RAVER1: variants seen among roughly 807,000 people sequenced by gnomAD.
RAVER1 encodes the protein ribonucleoprotein, PTB binding 1.
Under a neutral mutation model 68.4 loss-of-function variants are expected in RAVER1, and 36 were observed. That is an observed-to-expected ratio of 0.53 (90% confidence interval 0.40 to 0.70). The LOEUF (loss-of-function observed/expected upper bound fraction) is 0.70. Ranked by LOEUF, RAVER1 falls within the 30% of genes least tolerant of loss-of-function variation. RAVER1 has a pLI of 0.00. For synonymous variants in RAVER1, 469 were observed against 472.7 expected (o/e 0.99, Z 0.10); for missense variants, 933 against 1,019.8 (o/e 0.91, Z 1.16).
chr19:10,325,176 A>G (rs867589660), intron 3 of RAVER1, among the ~76,000 whole-genome samples: 3 of 151,788 alleles, frequency 2.0e-5, no homozygotes, highest in Non-Finnish European at 4.4e-5. Context: ...ACCTACCACC[A>G]CGCCTGGCTA....
chr19:10,326,695 T>C (rs908663743), intron 3 of RAVER1, among the ~76,000 whole-genome samples: 3 of 151,540 alleles, frequency 2.0e-5, no homozygotes, highest in Non-Finnish European at 4.4e-5. Context: ...CCTCAGGTGA[T>C]CCGTCCGTCT....
At chr19:10,320,503 C>CT (rs2040427792) in intron 9 of RAVER1, among the ~76,000 whole-genome samples, 152 bp downstream of exon 9, 1 of 121,816 alleles carries the variant, frequency 8.2e-6, no homozygotes. Flanking sequence ...GACCCTGTCT[C>CT]TAAAAAAAAA....
At position 10,323,175 on chromosome 19, in the gene RAVER1, G is replaced by A; in HGVS notation, c.1048C>T (p.Leu350=). ...TTCCCCCCCGCACTGCCATGGAGCAGGGGGTTGAGCAGCAGCTGGAGGGAC... is the reference window on the plus strand; with the variant it reads ...TTCCCCCCCGCACTGCCATGGAGCAAGGGGTTGAGCAGCAGCTGGAGGGAC... ...SASLQLLLNP[L]LHGSAGGKQG... Residue 350 remains leucine (L), a synonymous_variant, in exon 5 of 13, where the codon CTG becomes TTG. Coordinates refer to ENST00000617231, the MANE Select transcript of RAVER1 (RefSeq NM_133452.3). This position sits in a 1 kb window ranked among gnomAD's most constrained non-coding sequence, Gnocchi z 6.2. 1 of 1,611,054 alleles carries A rather than the reference G, an allele frequency of 6.2e-7. No homozygotes were observed. The highest frequency in any genetic ancestry group is 1.3e-5 in the African/African-American group (1 of 74,994).
chr19:10,326,031 G>A (rs1383772913), intron 3 of RAVER1, among the ~76,000 whole-genome samples: 1 of 152,142 alleles, frequency 6.6e-6, no homozygotes, highest in Non-Finnish European at 1.5e-5. Context: ...CGAGGCAGGT[G>A]TATCACCTGA....
chr19:10,323,393 G>A lies in RAVER1; in HGVS notation c.930C>T (p.Leu310=), dbSNP rs1185175955. The A allele has an allele frequency of 1.9e-6, 3 of 1,605,356 alleles. No individual in the cohort carries two copies. Among genetic ancestry groups the A allele is most frequent in the Non-Finnish European group, 2.6e-6 (3 of 1,176,146 alleles). ...GPPGRSMLAA[L]IAAQATALNR... ...GGCTCACCGTGGCCTGGGCAGCGAT[G>A]AGAGCGGCCAGCATACTGCGGCCGG... is the stretch of plus-strand genomic sequence containing the variant. Residue 310 remains leucine, a synonymous_variant, in exon 4 of 13, where the codon CTC becomes CTT. Transcript: ENST00000617231. The surrounding 1 kb of genome is among the most constrained non-coding windows in gnomAD (Gnocchi z 6.2).
At chr19:10,327,358 G>C (rs1401541127) in intron 3 of RAVER1, among the ~76,000 whole-genome samples, 5 of 151,932 alleles carry the variant, frequency 3.3e-5, no homozygotes, top group African/African-American at 1.2e-4. Flanking sequence ...CGGACTCCCA[G>C]AATCAGGCAA....
At position 10,322,708 on chromosome 19, in the gene RAVER1, C is replaced by T. The variant is rs1310372378; in HGVS notation, c.1110G>A (p.Leu370=). 2 of 1,525,700 alleles carry T rather than the reference C, an allele frequency of 1.3e-6. No homozygotes were observed. The highest frequency in any genetic ancestry group is 2.9e-5 in the African/African-American group (2 of 69,716). The allele number at this position is 1,525,700 out of a possible 1,614,324, so 94.5% of individuals were successfully genotyped here. The change falls in exon 6 of 13, where the codon CTG becomes CTA. Residue 370 remains leucine (L), a synonymous_variant. Transcript: ENST00000617231. This position sits in a 1 kb window ranked among gnomAD's most constrained non-coding sequence, Gnocchi z 4.3. ...CCGTGGACAGGGCTGGCCCATTGAG[C>T]AGCGGCATGGCTGGGGGGGCACCCA... The part of the protein sequence containing the change: ...GLLGAPPAMP[L]LNGPALSTAL...
At chr19:10,326,346 A>T (rs1201576078) in intron 3 of RAVER1, among the ~76,000 whole-genome samples, 2 of 152,284 alleles carry the variant, frequency 1.3e-5, no homozygotes, top group Admixed American at 1.3e-4. Context: ...GGTACATAGC[A>T]GGCCTGGTAC....
Position 10,323,164 on chromosome 19 carries a change from G to A in RAVER1, c.1059C>T (p.Gly353=), listed in dbSNP as rs2040450851. ...LQLLLNPLLH[G]SAGGKQGLLG... ...CCTTACCCTGCTTCCCCCCCGCACTGCCATGGAGCAGGGGGTTGAGCAGCA... is the reference window on the plus strand; with the variant it reads ...CCTTACCCTGCTTCCCCCCCGCACTACCATGGAGCAGGGGGTTGAGCAGCA... Residue 353 remains glycine (G), a synonymous_variant, in exon 5 of 13, where the codon GGC becomes GGT. Coordinates refer to ENST00000617231, the MANE Select transcript of RAVER1 (RefSeq NM_133452.3). The surrounding 1 kb of genome is among the most constrained non-coding windows in gnomAD (Gnocchi z 6.2). The A allele has an allele frequency of 8.7e-6, 14 of 1,607,898 alleles. No homozygotes were observed. The East Asian group carries it at 3.1e-4, about 36-fold the overall frequency.
chr19:10,326,621 T>G (rs11880594), intron 3 of RAVER1, among the ~76,000 whole-genome samples: 19,019 of 152,014 alleles, frequency 0.13, 1,329 homozygotes, highest in Middle Eastern at 0.24. Flanking sequence ...CCTTTTTTTT[T>G]TTGTTGTATT....
intron 3 of RAVER1, among the ~76,000 whole-genome samples, chr19:10,324,010 T>C (rs2040457612): frequency 6.6e-6 from 1 of 151,948 alleles, no homozygotes; most frequent in Admixed American, 6.6e-5. Flanking sequence ...TAGCCAGGCG[T>C]GGTGGCACAT....
Position 10,328,176 on chromosome 19 carries a change from G to A in RAVER1, c.756+466C>T, listed in dbSNP as rs1359426239. On this transcript the variant is annotated intron_variant, in intron 3 of 12. Coordinates refer to ENST00000617231, the MANE Select transcript of RAVER1 (RefSeq NM_133452.3). This position sits in a 1 kb window ranked among gnomAD's most constrained non-coding sequence, Gnocchi z 4.4. ...TGACGAGGGTACCAGCGAATGAGGA[G>A]GTGAGTGGTGAGCAAGCCTCGAGAT... Among the ~76,000 whole-genome samples, 3 of 152,182 alleles carry A rather than the reference G, an allele frequency of 2.0e-5. No individual in the cohort carries two copies. The highest frequency in any genetic ancestry group is 4.4e-5 in the Non-Finnish European group (3 of 68,034).
Position 10,317,727 on chromosome 19 carries a change from A to G in RAVER1, c.2036T>C (p.Leu679Pro). The G allele has an allele frequency of 6.3e-7, 1 of 1,596,960 alleles. No homozygotes were observed. Among genetic ancestry groups the G allele is most frequent in the Non-Finnish European group, 8.5e-7 (1 of 1,173,054 alleles). Residue 679 changes from leucine (L) to proline (P), a missense_variant, in exon 12 of 13, where the codon CTC (leucine) becomes CCC (proline). Physicochemically the swap from Leu to Pro is moderately conservative, Grantham distance 98. This residue lies in a region of RAVER1 where 699 missense variants were observed against 731.1 expected (regional missense o/e 0.96). Transcript: ENST00000617231. The surrounding 1 kb of genome is among the most constrained non-coding windows in gnomAD (Gnocchi z 4.3). ...PLGSGEGLLG[L>P]SPGPNGHSHL... ...GCTGTGACCATTAGGCCCGGGGCTGAGGCCCAGGAGCCCTTCTCCGGACCC... is the reference window on the plus strand; with the variant it reads ...GCTGTGACCATTAGGCCCGGGGCTGGGGCCCAGGAGCCCTTCTCCGGACCC...
At chr19:10,319,359 G>T in intron 9 of RAVER1, 119 bp from the exon 10 acceptor site, 1 of 1,032,650 alleles carries the variant, frequency 9.7e-7, no homozygotes, top group Non-Finnish European at 1.4e-6. Context: ...GGACCAGGAA[G>T]AGGCAAATTT....
chr19:10,321,055 G>A lies in RAVER1; in HGVS notation c.1466C>T (p.Pro489Leu). The change falls in exon 8 of 13, where the codon CCC becomes CTC. Residue 489 changes from proline (P) to leucine (L), a missense_variant. Around this residue, in one of 3 missense-constraint regions of RAVER1, gnomAD observed 699 missense variants for 731.1 expected, o/e 0.96. Coordinates refer to ENST00000617231, the MANE Select transcript of RAVER1 (RefSeq NM_133452.3). Reference sequence around the variant, plus strand: ...CGCAGGGCAGGGCCTTACCCCAGGGGGCGTCGGCAGAGGCCCACTGTCTTT... The same window carrying A: ...CGCAGGGCAGGGCCTTACCCCAGGGAGCGTCGGCAGAGGCCCACTGTCTTT... ...LQKDSGPLPT[P>L]PGVSLLGEPP... is the part of the protein sequence containing the mutation. The A allele has an allele frequency of 1.4e-6, 2 of 1,382,112 alleles. No individual in the cohort carries two copies. Among genetic ancestry groups the A allele is most frequent in the Non-Finnish European group, 1.9e-6 (2 of 1,068,922 alleles). 85.6% of individuals were successfully genotyped at this position (1,382,112 alleles called of 1,614,324 possible).
intron 1 of RAVER1, among the ~76,000 whole-genome samples, chr19:10,331,753 T>C (rs1222051829): frequency 1.3e-5 from 2 of 152,050 alleles, no homozygotes; most frequent in South Asian, 2.1e-4. Flanking sequence ...AACCTCCTTT[T>C]GCAAGATTCA....
At position 10,330,536 on chromosome 19, in the gene RAVER1, TACAAG is replaced by T. The variant is rs756769718; in HGVS notation, c.220-15_220-11del. ...GCAGGTCATGTACTTCCTGTGGAGA[TACAAG>T]ACAAAAGACAGGGAGTTACTGGAGA... is the stretch of plus-strand genomic sequence containing the variant. On this transcript the variant is annotated splice_polypyrimidine_tract_variant and intron_variant, in intron 1 of 12. Coordinates refer to ENST00000617231, the MANE Select transcript of RAVER1 (RefSeq NM_133452.3). 8 of 1,399,756 alleles carry T rather than the reference TACAAG, an allele frequency of 5.7e-6. No homozygotes were observed. The highest frequency in any genetic ancestry group is 7.0e-6 in the Non-Finnish European group (7 of 1,004,616). The allele number at this position is 1,399,756 out of a possible 1,614,324, so 86.7% of individuals were successfully genotyped here.
rs1791615083 is a variant in RAVER1 at position 10,318,274 on chromosome 19, G to A, written c.1944C>T (p.Phe648=). The change falls in exon 11 of 13, where the codon TTC becomes TTT. Residue 648 remains phenylalanine (F), a synonymous_variant. Transcript: ENST00000617231. Reference sequence around the variant, plus strand: ...TGAGGCCAGCCTGCAGGCCGCTGGTGAAGTAGGAAGTGGGCGAGCCTGAAT... The same window carrying A: ...TGAGGCCAGCCTGCAGGCCGCTGGTAAAGTAGGAAGTGGGCGAGCCTGAAT... ...HFYSGSPTSY[F]TSGLQAGLKQ... is the part of the protein sequence containing the mutation. 3.7e-6 allele frequency: 6 copies of A among 1,605,890 alleles called. No homozygotes were observed. Among genetic ancestry groups the A allele is most frequent in the Admixed American group, 3.4e-5 (2 of 58,848 alleles).
At position 10,317,397 on chromosome 19, in the gene RAVER1, C is replaced by G; in HGVS notation, c.*57G>C. On this transcript the variant is annotated 3_prime_UTR_variant, in exon 13 of 13. Coordinates refer to ENST00000617231, the MANE Select transcript of RAVER1 (RefSeq NM_133452.3). This position sits in a 1 kb window ranked among gnomAD's most constrained non-coding sequence, Gnocchi z 4.3. ...TTAAAAAAAACACAAAACAAAACAT[C>G]AGAAAACCCAAAAGCGATTTGGTGC... 1 of 1,574,792 alleles carries G rather than the reference C, an allele frequency of 6.4e-7. No homozygotes were observed.
Sources: allele counts gnomAD v4.1 joint callset (sites outside exome capture counted in the v4.1 genomes callset), GRCh38; gene constraint gnomAD v4.1.1; regional missense constraint gnomAD v4.1.1; non-coding constraint Gnocchi (gnomAD v3.1); transcripts MANE v1.5; gene names NCBI Gene and HGNC (gene_info 2026-07-23, HGNC 2026-07-21).